The following KCNIP4 variants were observed in gnomAD, a reference collection of about 807,000 sequenced individuals.
The protein encoded by KCNIP4 is potassium voltage-gated channel interacting protein 4, also known as Kv channel-interacting protein 4.
A neutral mutation model predicts 34.0 loss-of-function variants in KCNIP4; 12 were observed. That is an observed-to-expected ratio of 0.35 (90% CI 0.23 to 0.57). The LOEUF (loss-of-function observed/expected upper bound fraction) is 0.57, where lower values mean the gene tolerates loss of function less well. Ranked by LOEUF, KCNIP4 falls within the 20% of genes least tolerant of loss-of-function variation. The pLI, the probability that KCNIP4 is intolerant of heterozygous loss-of-function variation, is 0.83. For missense variants in KCNIP4, 238 were observed against 311.7 expected (o/e 0.76, Z 1.78); for synonymous variants, 124 against 102.2 (o/e 1.21, Z -1.29).
Position 20,729,466 on chromosome 4 carries a change from A to ATAAACTAAT in KCNIP4, c.*607_*615dup, listed in dbSNP as rs1560391788. The ATAAACTAAT allele has an allele frequency of 7.6e-6, 1 of 132,368 alleles. No individual in the cohort carries two copies. The highest frequency in any genetic ancestry group is 2.6e-5 in the African/African-American group (1 of 38,826). 8.2% of individuals were successfully genotyped at this position (132,368 alleles called of 1,614,324 possible). On this transcript the variant is annotated 3_prime_UTR_variant, in exon 9 of 9. Transcript: ENST00000382152. The stretch of plus-strand genomic sequence containing the variant: ...ATTAGGCATATGCTGATATCTGATA[A>ATAAACTAAT]TAAACTAATTTTTAAATGTTTAATA...
chr4:21,523,108 CAAG>C (rs1316120632), intron 1 of KCNIP4, among the ~76,000 whole-genome samples: 5 of 152,044 alleles, frequency 3.3e-5, no homozygotes, highest in African/African-American at 9.7e-5. Flanking sequence ...TAGGTTACAG[CAAG>C]AAGATTGGTC....
chr4:21,559,037 C>T (rs1003181248), intron 1 of KCNIP4, among the ~76,000 whole-genome samples: 5 of 152,070 alleles, frequency 3.3e-5, no homozygotes, highest in African/African-American at 9.7e-5. Flanking sequence ...GAATCAGAAC[C>T]ACCTTAATTT....
chr4:20,747,905 C>T (rs755220819), intron 5 of KCNIP4, among the ~76,000 whole-genome samples: 14 of 152,314 alleles, frequency 9.2e-5, no homozygotes, highest in East Asian at 3.9e-4. Flanking sequence ...TAGCTGCCTA[C>T]GCCCATATGA....
chr4:21,795,362 T>C (rs1209464830), intron 1 of KCNIP4, among the ~76,000 whole-genome samples: 1 of 152,170 alleles, frequency 6.6e-6, no homozygotes, highest in Non-Finnish European at 1.5e-5. Flanking sequence ...AAACGTCTGT[T>C]GCGTAAGCCA....
chr4:21,189,729 A>C (rs1230655029), intron 1 of KCNIP4, among the ~76,000 whole-genome samples: 1 of 152,218 alleles, frequency 6.6e-6, no homozygotes, highest in African/African-American at 2.4e-5. Flanking sequence ...AGAGTGAAAA[A>C]TTATGACCAT....
In KCNIP4 at chr4:21,424,444, C is replaced by T. The variant is rs139403237; in HGVS notation, c.61+524127G>A. On this transcript the variant is annotated intron_variant, in intron 1 of 8. Transcript: ENST00000382152. ...AACATTAGCCAGGCATGGTGGCATG[C>T]GCCTGTAATCCCAGCTACTCAGGAG... Among the ~76,000 whole-genome samples the T allele has an allele frequency of 4.1e-3, 626 of 151,938 alleles. 9 individuals are homozygous for T. The highest frequency in any genetic ancestry group is 0.017 in the Middle Eastern group (5 of 294).
chr4:21,287,331 T>C (rs1763181056), intron 1 of KCNIP4, among the ~76,000 whole-genome samples: 1 of 152,148 alleles, frequency 6.6e-6, no homozygotes, highest in Non-Finnish European at 1.5e-5. Flanking sequence ...TATTTATAGA[T>C]ACATGAGAAG....
intron 1 of KCNIP4, among the ~76,000 whole-genome samples, chr4:21,412,210 C>T (rs1277612599): frequency 6.6e-6 from 1 of 152,174 alleles, no homozygotes; most frequent in Non-Finnish European, 1.5e-5. Flanking sequence ...ATACACACAA[C>T]CAACAGTCAT....
intron 1 of KCNIP4, among the ~76,000 whole-genome samples, chr4:21,455,525 A>G (rs1220473439): frequency 6.6e-6 from 1 of 151,846 alleles, no homozygotes; most frequent in Non-Finnish European, 1.5e-5. Context: ...CAACAGATAT[A>G]TAGATGACAG....
chr4:21,039,880 A>G (rs1741797332), intron 1 of KCNIP4, among the ~76,000 whole-genome samples: 1 of 152,226 alleles, frequency 6.6e-6, no homozygotes, highest in Non-Finnish European at 1.5e-5. Flanking sequence ...ACTGCTATAA[A>G]GAACTGCCTG....
chr4:21,602,458 A>G (rs901860517), intron 1 of KCNIP4, among the ~76,000 whole-genome samples: 3 of 151,966 alleles, frequency 2.0e-5, no homozygotes, highest in Non-Finnish European at 2.9e-5. Flanking sequence ...ATAAGATGTG[A>G]GAACAGTGAT....
intron 1 of KCNIP4, among the ~76,000 whole-genome samples, chr4:20,973,903 G>A (rs1479699874): frequency 2.0e-5 from 3 of 152,090 alleles, no homozygotes; most frequent in Non-Finnish European, 4.4e-5. Context: ...ATCTGAACTC[G>A]ATTATTCCTG....
At chr4:21,840,518 C>T (rs1266109144) in intron 1 of KCNIP4, among the ~76,000 whole-genome samples, 1 of 152,122 alleles carries the variant, frequency 6.6e-6, no homozygotes, top group Non-Finnish European at 1.5e-5. Flanking sequence ...CAAGATGGTG[C>T]ACATCTGTGT....
chr4:21,039,319 G>C (rs953045926), intron 1 of KCNIP4, among the ~76,000 whole-genome samples: 1 of 151,220 alleles, frequency 6.6e-6, no homozygotes, highest in African/African-American at 2.4e-5. Context: ...GTAGTGAGCT[G>C]AGATCATGCC....
chr4:21,317,229 G>T (rs1713860572), intron 1 of KCNIP4, among the ~76,000 whole-genome samples: 1 of 151,998 alleles, frequency 6.6e-6, no homozygotes, highest in African/African-American at 2.4e-5. Flanking sequence ...TAACTTACAT[G>T]CCAACTATCC....
chr4:21,352,694 A>G (rs140704799), intron 1 of KCNIP4, among the ~76,000 whole-genome samples: 5,572 of 152,318 alleles, frequency 0.037, 238 homozygotes, highest in East Asian at 0.2. Context: ...ACCTCTGTGG[A>G]CAGGGCATAG....
At chr4:20,974,929 T>C (rs1735336558) in intron 1 of KCNIP4, among the ~76,000 whole-genome samples, 1 of 152,204 alleles carries the variant, frequency 6.6e-6, no homozygotes, top group Non-Finnish European at 1.5e-5. Flanking sequence ...ATGTTAACAC[T>C]GCAAATAATA....
rs1560369229 is a variant in KCNIP4 at position 21,400,521 on chromosome 4, T to TCCCC, written c.62-517813_62-517812insGGGG. Among the ~76,000 whole-genome samples the TCCCC allele has an allele frequency of 4.8e-3, 176 of 36,374 alleles. 2 individuals carry two copies. The highest frequency in any genetic ancestry group is 0.016 in the African/African-American group (147 of 9,462). 23.9% of individuals were successfully genotyped at this position (36,374 alleles called of 152,430 possible). The stretch of plus-strand genomic sequence containing the variant: ...TCCCTTCCCCTCCCTTCCTCTTCTC[T>TCCCC]TCTCTTCTCTTCTCTTCTCTTCTCT... On this transcript the variant is annotated intron_variant, in intron 1 of 8. Transcript: ENST00000382152.
intron 3 of KCNIP4, among the ~76,000 whole-genome samples, chr4:20,832,826 A>AGAAGGAAGG (rs3077701): frequency 6.6e-6 from 1 of 151,646 alleles, no homozygotes; most frequent in East Asian, 1.9e-4. Context: ...TTTGAATGAC[A>AGAAGGAAGG]GAAGGGATTT....
Sources: gnomAD v4.1 joint callset for allele counts (sites outside exome capture counted in the v4.1 genomes callset) on GRCh38, gnomAD v4.1.1 for gene constraint, MANE v1.5 for transcripts, NCBI Gene and HGNC (gene_info 2026-07-23, HGNC 2026-07-21) for gene names.